Variants in GPRIN1 observed in about 807,000 individuals in gnomAD.
GPRIN1 encodes the protein G protein regulated inducer of neurite outgrowth 1.
Under a neutral mutation model 2.8 loss-of-function variants are expected in GPRIN1, and 4 were observed. That is an observed-to-expected ratio of 1.45 (90% CI 0.71 to 3.32). The LOEUF (loss-of-function observed/expected upper bound fraction) is 3.32, where lower values mean the gene tolerates loss of function less well. GPRIN1 is among the 30% of genes most tolerant of loss of function. The pLI, the probability that GPRIN1 is intolerant of heterozygous loss-of-function variation, is 0.01. For synonymous variants in GPRIN1, 589 were observed against 589.9 expected (o/e 1.00, Z 0.02); for missense variants, 1,322 against 1,343.4 (o/e 0.98, Z 0.25).
Position 176,599,743 on chromosome 5 carries a change from T to C in GPRIN1, c.92A>G (p.Gln31Arg). Residue 31 changes from glutamine (Q) to arginine (R), a missense_variant, in exon 2 of 2, where the codon CAG becomes CGG. Gln to Arg is a conservative substitution (Grantham distance 43, BLOSUM62 1). Coordinates refer to ENST00000303991, the MANE Select transcript of GPRIN1 (RefSeq NM_052899.3). ...GPRPTAFFCP[Q>R]DGSLGAGSSA... is the part of the protein sequence containing the mutation. Reference sequence around the variant, plus strand: ...GCTGCCAGCCCCCAGGCTCCCATCCTGTGGGCAGAAGAAGGCTGTGGGTCG... The same window carrying C: ...GCTGCCAGCCCCCAGGCTCCCATCCCGTGGGCAGAAGAAGGCTGTGGGTCG... 1.3e-6 allele frequency: 2 copies of C among 1,543,248 alleles called. No individual in the cohort carries two copies. The highest frequency in any genetic ancestry group is 1.7e-6 in the Non-Finnish European group (2 of 1,145,130).
At chr5:176,605,658 T>C (rs1044373134) in intron 1 of GPRIN1, among the ~76,000 whole-genome samples, 13 of 150,422 alleles carry the variant, frequency 8.6e-5, no homozygotes, top group African/African-American at 2.9e-4. Context: ...TAAATTAAAA[T>C]TAAAAAAAAA....
At chr5:176,607,354 CTTTT>C (rs1227268805) in intron 1 of GPRIN1, among the ~76,000 whole-genome samples, 1 of 152,170 alleles carries the variant, frequency 6.6e-6, no homozygotes, top group East Asian at 1.9e-4. Flanking sequence ...CACTGTCTTT[CTTTT>C]TTTGAGACCG....
rs1759154712 is a variant in GPRIN1, at chr5:176,601,964, T to C, written c.-43-2087A>G. On this transcript the variant is annotated intron_variant, in intron 1 of 1. Transcript: ENST00000303991. ...CGAGACAAATCATGTACCCCTCTGC[T>C]CGGAACCAGGCAGTGTCTCCCCATC... Among the ~76,000 whole-genome samples the C allele has an allele frequency of 2.0e-5, 3 of 152,116 alleles. No homozygotes were observed. The South Asian group carries it at 6.2e-4, about 32-fold the overall frequency.
intron 1 of GPRIN1, among the ~76,000 whole-genome samples, chr5:176,601,798 T>C (rs926006069): frequency 1.1e-4 from 16 of 152,138 alleles, no homozygotes; most frequent in African/African-American, 3.9e-4. Flanking sequence ...CAAAACATAA[T>C]GGAGTTACCA....
At position 176,599,605 on chromosome 5, in the gene GPRIN1, G is replaced by A. The variant is rs1355051487; in HGVS notation, c.230C>T (p.Ala77Val). The change falls in exon 2 of 2, where the codon GCT (alanine) becomes GTT (valine). Residue 77 changes from alanine to valine, a missense_variant. By Grantham distance (64) the Ala-to-Val change is moderately conservative. Transcript: ENST00000303991. ...MESRHRSPSG[A>V]GEGASCSDGP... ...GTCAGAGCAGGAGGCCCCTTCCCCA[G>A]CCCCACTGGGGCTTCTGTGTCTAGA... 5.8e-6 allele frequency: 9 copies of A among 1,541,990 alleles called. No individual in the cohort carries two copies. Among genetic ancestry groups the A allele is most frequent in the Non-Finnish European group, 7.0e-6 (8 of 1,148,548 alleles).
rs145741731 is a variant in GPRIN1 at position 176,601,944 on chromosome 5, C to T, written c.-43-2067G>A. Among the ~76,000 whole-genome samples, 46 of 152,296 alleles carry T rather than the reference C, an allele frequency of 3.0e-4. 1 individual carries two copies. The East Asian group carries it at 8.9e-3, about 29-fold the overall frequency. ...AGAGGGATCTTAGTAAAACCCGAGA[C>T]AAATCATGTACCCCTCTGCTCGGAA... On this transcript the variant is annotated intron_variant, in intron 1 of 1. Transcript: ENST00000303991.
In GPRIN1 at chr5:176,599,557, C is replaced by T; in HGVS notation, c.278G>A (p.Cys93Tyr). ...CSDGPRGSLACPSPTCFSPQE... is the reference protein window; with the variant it reads ...CSDGPRGSLAYPSPTCFSPQE... Reference sequence around the variant, plus strand: ...GGGAGAGAAGCAGGTTGGGGAGGGGCAGGCCAGGCTCCCTCTGGGGCCGTC... The same window carrying T: ...GGGAGAGAAGCAGGTTGGGGAGGGGTAGGCCAGGCTCCCTCTGGGGCCGTC... Residue 93 changes from cysteine (C) to tyrosine (Y), a missense_variant, in exon 2 of 2, where the codon TGC becomes TAC. By Grantham distance (194) the Cys-to-Tyr change is radical (BLOSUM62 -2). Around this residue, in one of 3 missense-constraint regions of GPRIN1, gnomAD observed 1,117 missense variants for 1,128.6 expected, o/e 0.99. Coordinates refer to ENST00000303991, the MANE Select transcript of GPRIN1 (RefSeq NM_052899.3). The T allele has an allele frequency of 4.4e-6, 7 of 1,586,380 alleles. No homozygotes were observed. Among genetic ancestry groups the T allele is most frequent in the Non-Finnish European group, 6.0e-6 (7 of 1,166,820 alleles).
At chr5:176,599,995 C>T in intron 1 of GPRIN1, 118 bp from the exon 2 acceptor site, 1 of 585,390 alleles carries the variant, frequency 1.7e-6, no homozygotes. Flanking sequence ...GTCCAGAGGA[C>T]CTAGACTAAA....
rs768447480 is a variant in GPRIN1, at chr5:176,598,167, C to T, written c.1668G>A (p.Lys556=). The T allele has an allele frequency of 5.6e-6, 9 of 1,612,746 alleles. No individual in the cohort carries two copies. In the African/African-American group the frequency reaches 8.0e-5, roughly 14 times the overall value. The change falls in exon 2 of 2, where the codon AAG becomes AAA. Residue 556 remains lysine (K), a synonymous_variant. Transcript: ENST00000303991. ...CAGAGGGGCCAGCGTCTGCCTTTCC[C>T]TTGCTCACAGGGTCCTCCTTGCCCA... ...LAVGKEDPVS[K]GKADAGPSGQ...
In GPRIN1 at chr5:176,597,042, C is replaced by A; in HGVS notation, c.2793G>T (p.Val931=). 1 of 1,505,956 alleles carries A rather than the reference C, an allele frequency of 6.6e-7. No individual in the cohort carries two copies. The highest frequency in any genetic ancestry group is 8.9e-7 in the Non-Finnish European group (1 of 1,124,858). The allele number at this position is 1,505,956 out of a possible 1,614,324, so 93.3% of individuals were successfully genotyped here. A position where few individuals can be genotyped will look rare whatever the true frequency, so the allele number is the denominator to read the frequency against. The part of the protein sequence containing the change: ...TWEVYGAAME[V]EVLGMAIQKH... The stretch of plus-strand genomic sequence containing the variant: ...TCTGGATGGCCATGCCCAGCACCTC[C>A]ACCTCCATGGCGGCGCCGTATACCT... The change falls in exon 2 of 2, where the codon GTG becomes GTT. Residue 931 remains valine (V), a synonymous_variant. Coordinates refer to ENST00000303991, the MANE Select transcript of GPRIN1 (RefSeq NM_052899.3). The surrounding 1 kb of genome is among the most constrained non-coding windows in gnomAD (Gnocchi z 6.1).
In GPRIN1 at chr5:176,597,239, C is replaced by A; in HGVS notation, c.2596G>T (p.Ala866Ser). 8.0e-7 allele frequency: 1 copy of A among 1,254,038 alleles called. No homozygotes were observed. The highest frequency in any genetic ancestry group is 3.0e-5 in the South Asian group (1 of 32,840). 77.7% of individuals were successfully genotyped at this position (1,254,038 alleles called of 1,614,324 possible). ...CCAGTGGCCACGGAGCGCGTCTCGG[C>A]GGCGCCCAGCGACACCTGCAGGCCC... ...DAGLQVSLGA[A>S]ETRSVATGPM... Residue 866 changes from alanine to serine, a missense_variant, in exon 2 of 2, where the codon GCC (alanine) becomes TCC (serine). Ala to Ser is a moderately conservative substitution (Grantham distance 99, BLOSUM62 1). Around this residue, in one of 3 missense-constraint regions of GPRIN1, gnomAD observed 1,117 missense variants for 1,128.6 expected, o/e 0.99. Transcript: ENST00000303991. This position sits in a 1 kb window ranked among gnomAD's most constrained non-coding sequence, Gnocchi z 6.1.
Position 176,599,338 on chromosome 5 carries a change from A to G in GPRIN1, c.497T>C (p.Ile166Thr), listed in dbSNP as rs2113348643. The change falls in exon 2 of 2, where the codon ATA (isoleucine) becomes ACA (threonine). Residue 166 changes from isoleucine (I) to threonine (T), a missense_variant. By Grantham distance (89) the Ile-to-Thr change is moderately conservative (BLOSUM62 -1). Transcript: ENST00000303991. ...TGAGGACCCAGGATCCTCCTTTCCTATGGAAGTGGAATCGGCCTGCTTTGA... is the reference window on the plus strand; with the variant it reads ...TGAGGACCCAGGATCCTCCTTTCCTGTGGAAGTGGAATCGGCCTGCTTTGA... ...KSSKQADSTS[I>T]GKEDPGSSRK... 6.2e-7 allele frequency: 1 copy of G among 1,614,128 alleles called. No individual in the cohort carries two copies. Among genetic ancestry groups the G allele is most frequent in the Non-Finnish European group, 8.5e-7 (1 of 1,180,012 alleles).
rs553665572 is a variant in GPRIN1 at position 176,596,908 on chromosome 5, G to C, written c.2927C>G (p.Pro976Arg). The C allele has an allele frequency of 8.1e-6, 10 of 1,233,328 alleles. No individual in the cohort carries two copies. In the African/African-American group the frequency reaches 1.1e-4, roughly 13 times the overall value. The allele number at this position is 1,233,328 out of a possible 1,614,324, so 76.4% of individuals were successfully genotyped here. ...GRSGSVRTAP[P>R]DGAAKRPPGL... is the part of the protein sequence containing the mutation. ...GGGCGGACGCTTGGCGGCGCCATCT[G>C]GGGGCGCGGTGCGCACCGAGCCCGA... Residue 976 changes from proline (P) to arginine (R), a missense_variant, in exon 2 of 2, where the codon CCA becomes CGA. By Grantham distance (103) the Pro-to-Arg change is moderately radical. Transcript: ENST00000303991. This position sits in a 1 kb window ranked among gnomAD's most constrained non-coding sequence, Gnocchi z 5.2.
chr5:176,596,773 A>G lies in GPRIN1; in HGVS notation c.*35T>C. On this transcript the variant is annotated 3_prime_UTR_variant, in exon 2 of 2. Transcript: ENST00000303991. The surrounding 1 kb of genome is among the most constrained non-coding windows in gnomAD (Gnocchi z 5.2). ...CTGTGATCAAGAAGGGAGCCTGAGA[A>G]GGTCGGAAACTCGGGCGTACAAAAT... 7.2e-7 allele frequency: 1 copy of G among 1,395,444 alleles called. No individual in the cohort carries two copies. The highest frequency in any genetic ancestry group is 9.3e-7 in the Non-Finnish European group (1 of 1,073,874). The allele number at this position is 1,395,444 out of a possible 1,614,324, so 86.4% of individuals were successfully genotyped here. A position where few individuals can be genotyped will look rare whatever the true frequency, so the allele number is the denominator to read the frequency against.
At chr5:176,606,985 A>T (rs1431149247) in intron 1 of GPRIN1, among the ~76,000 whole-genome samples, 1 of 152,234 alleles carries the variant, frequency 6.6e-6, no homozygotes, top group Non-Finnish European at 1.5e-5. Context: ...GTAGGGACAG[A>T]GAGCCTGGTC....
Position 176,603,167 on chromosome 5 carries a change from A to G in GPRIN1, c.-43-3290T>C, listed in dbSNP as rs147089620. ...AAGTCCAGCTCTTTAATATGCTCCT[A>G]AGCCCCTATGTTTCTACTTAAGTGC... On this transcript the variant is annotated intron_variant, in intron 1 of 1. Coordinates refer to ENST00000303991, the MANE Select transcript of GPRIN1 (RefSeq NM_052899.3). Among the ~76,000 whole-genome samples, 77 of 152,160 alleles carry G rather than the reference A, an allele frequency of 5.1e-4. No individual in the cohort carries two copies. The East Asian group carries it at 0.012, about 24-fold the overall frequency.
rs1759046800 is a variant in GPRIN1, at chr5:176,596,945, C to G, written c.2890G>C (p.Gly964Arg). 2 of 1,260,084 alleles carry G rather than the reference C, an allele frequency of 1.6e-6. No individual in the cohort carries two copies. The highest frequency in any genetic ancestry group is 2.0e-6 in the Non-Finnish European group (2 of 1,003,676). The allele number at this position is 1,260,084 out of a possible 1,614,324, so 78.1% of individuals were successfully genotyped here. A position where few individuals can be genotyped will look rare whatever the true frequency, so the allele number is the denominator to read the frequency against. Residue 964 changes from glycine to arginine, a missense_variant, in exon 2 of 2, where the codon GGC (glycine) becomes CGC (arginine). Physicochemically the swap from Gly to Arg is moderately radical, Grantham distance 125. Coordinates refer to ENST00000303991, the MANE Select transcript of GPRIN1 (RefSeq NM_052899.3). This position sits in a 1 kb window ranked among gnomAD's most constrained non-coding sequence, Gnocchi z 5.2. Reference sequence around the variant, plus strand: ...CGCACCGAGCCCGAACGGCCGGGGCCGGCACGGGCGGCGGGCGGCGGCGCG... The same window carrying G: ...CGCACCGAGCCCGAACGGCCGGGGCGGGCACGGGCGGCGGGCGGCGGCGCG... ...APAPPPAARA[G>R]PGRSGSVRTA...
Position 176,596,964 on chromosome 5 carries a change from C to A in GPRIN1, c.2871G>T (p.Pro957=), listed in dbSNP as rs752876462. ...CGGGGCCGGCACGGGCGGCGGGCGG[C>A]GGCGCGGGCGCCCCTTGGCGGCCGT... is the stretch of plus-strand genomic sequence containing the variant. ...EEHGRQGAPA[P]PPAARAGPGR... is the part of the protein sequence containing the mutation. Residue 957 remains proline, a synonymous_variant, in exon 2 of 2, where the codon CCG becomes CCT. Transcript: ENST00000303991. This position sits in a 1 kb window ranked among gnomAD's most constrained non-coding sequence, Gnocchi z 5.2. The A allele has an allele frequency of 7.5e-7, 1 of 1,337,312 alleles. No individual in the cohort carries two copies. Among genetic ancestry groups the A allele is most frequent in the East Asian group, 2.9e-5 (1 of 34,034 alleles). 82.8% of individuals were successfully genotyped at this position (1,337,312 alleles called of 1,614,324 possible).
Position 176,599,714 on chromosome 5 carries a change from C to G in GPRIN1, c.121G>C (p.Ala41Pro), listed in dbSNP as rs750821485. ...TGGGAGGGGCAGTAATCCCTCATAGCCGAGCTGCCAGCCCCCAGGCTCCCA... is the reference window on the plus strand; with the variant it reads ...TGGGAGGGGCAGTAATCCCTCATAGGCGAGCTGCCAGCCCCCAGGCTCCCA... Reference protein sequence around the residue: ...QDGSLGAGSSAMRDYCPSQQK... With the variant: ...QDGSLGAGSSPMRDYCPSQQK... Residue 41 changes from alanine (A) to proline (P), a missense_variant, in exon 2 of 2, where the codon GCT (alanine) becomes CCT (proline). Physicochemically the swap from Ala to Pro is conservative, Grantham distance 27 (BLOSUM62 -1). Coordinates refer to ENST00000303991, the MANE Select transcript of GPRIN1 (RefSeq NM_052899.3). 4 of 1,566,572 alleles carry G rather than the reference C, an allele frequency of 2.6e-6. 1 individual carries two copies. The South Asian group carries it at 4.7e-5, about 18-fold the overall frequency.
Sources: gnomAD v4.1 joint callset for allele counts (sites outside exome capture counted in the v4.1 genomes callset) on GRCh38, gnomAD v4.1.1 for gene constraint, gnomAD v4.1.1 regional missense constraint, Gnocchi (gnomAD v3.1) non-coding constraint, MANE v1.5 for transcripts, NCBI Gene and HGNC (gene_info 2026-07-23, HGNC 2026-07-21) for gene names.